DNM2: variants seen among roughly 807,000 people sequenced by gnomAD.
The protein encoded by DNM2 is dynamin-2.
Under a neutral mutation model 99.0 loss-of-function variants are expected in DNM2, and 15 were observed. The observed-to-expected ratio is 0.15, with a 90% CI of 0.10 to 0.23. The LOEUF is 0.23. DNM2 is among the 10% of genes least tolerant of loss of function. DNM2 has a pLI of 1.00. For synonymous variants in DNM2, 525 were observed against 481.2 expected (o/e 1.09, Z -1.19); for missense variants, 742 against 1,189.4 (o/e 0.62, Z 5.53).
intron 6 of DNM2, 106 bp from the exon 7 acceptor site, chr19:10,786,458 G>A (rs905042811): frequency 3.1e-5 from 48 of 1,555,174 alleles, no homozygotes; most frequent in East Asian, 2.9e-4. Flanking sequence ...TGTGGTGGCC[G>A]CATAGTGGCA....
At chr19:10,825,685 A>C (rs1419705693) in intron 18 of DNM2, among the ~76,000 whole-genome samples, 1 of 150,824 alleles carries the variant, frequency 6.6e-6, no homozygotes, top group Non-Finnish European at 1.5e-5. Flanking sequence ...AGAGAGAGAG[A>C]GAGAGAGAAA....
intron 17 of DNM2, chr19:10,824,569 G>GC: frequency 5.3e-5 from 11 of 205,706 alleles, no homozygotes; most frequent in South Asian, 2.4e-4. Context: ...ACTTTGGGAG[G>GC]CAATGTGGGC....
chr19:10,825,684 G>A (rs1166121175), intron 18 of DNM2, among the ~76,000 whole-genome samples: 1 of 147,436 alleles, frequency 6.8e-6, no homozygotes, highest in Non-Finnish European at 1.5e-5. Flanking sequence ...AAGAGAGAGA[G>A]AGAGAGAGAA....
At chr19:10,806,783 ACT>A (rs1250113517) in intron 13 of DNM2, among the ~76,000 whole-genome samples, 1 of 152,056 alleles carries the variant, frequency 6.6e-6, no homozygotes, top group African/African-American at 2.4e-5. Flanking sequence ...ACAGGGCCAG[ACT>A]CTGTCTCCAA....
intron 18 of DNM2, among the ~76,000 whole-genome samples, chr19:10,826,385 G>A (rs145566934): frequency 2.2e-4 from 33 of 152,314 alleles, no homozygotes; most frequent in Admixed American, 1.8e-3. Flanking sequence ...TTGGGCAGCC[G>A]CTGTGTCCTA....
rs138666000 is a variant in DNM2 at position 10,813,519 on chromosome 19, T to G, written c.1671+1142T>G. 1.8e-3 allele frequency among the ~76,000 whole-genome samples: 271 copies of G among 152,290 alleles called. 2 individuals are homozygous for G. The highest frequency in any genetic ancestry group is 6.2e-3 in the African/African-American group (257 of 41,558). On this transcript the variant is annotated intron_variant, in intron 15 of 20. Transcript: ENST00000389253. Reference sequence around the variant, plus strand: ...GTTCAGAACAGTTCAGGTCCTCTCTTCTGACTACTTTGAAATACACAAGGC... The same window carrying G: ...GTTCAGAACAGTTCAGGTCCTCTCTGCTGACTACTTTGAAATACACAAGGC...
chr19:10,757,182 C>T (rs954785380), intron 1 of DNM2, among the ~76,000 whole-genome samples: 5 of 152,106 alleles, frequency 3.3e-5, no homozygotes, highest in African/African-American at 4.8e-5. Context: ...GGGGGGTCTT[C>T]GTAGCCCTGT....
intron 1 of DNM2, among the ~76,000 whole-genome samples, chr19:10,719,546 G>A (rs889930122): frequency 2.6e-5 from 4 of 152,074 alleles, no homozygotes; most frequent in Admixed American, 6.6e-5. Context: ...CCAGGATTCA[G>A]GAAGCAAATG....
chr19:10,819,736 G>T (rs2072908529), intron 15 of DNM2, among the ~76,000 whole-genome samples: 1 of 152,310 alleles, frequency 6.6e-6, no homozygotes, highest in Non-Finnish European at 1.5e-5. Flanking sequence ...TCAGGCAGTA[G>T]CCCGGTCGTC....
intron 12 of DNM2, among the ~76,000 whole-genome samples, chr19:10,804,881 A>G (rs1202097419): frequency 6.6e-6 from 1 of 152,236 alleles, no homozygotes; most frequent in Non-Finnish European, 1.5e-5. Context: ...CGAGGTAGTC[A>G]GCAAAGGAAG....
chr19:10,762,987 T>C, intron 2 of DNM2: 1 of 152,484 alleles, frequency 6.6e-6, no homozygotes, highest in East Asian at 1.9e-4. Flanking sequence ...GTGTCCCACA[T>C]GGGTGGGGCC....
rs368925069 is a variant in DNM2, at chr19:10,820,921, G to A, written c.1781+832G>A. Reference sequence around the variant, plus strand: ...AGCTGGAGACTTTAGCAGAGACACTGCTCTCAGGAAGAAACCCAGCTGGCA... The same window carrying A: ...AGCTGGAGACTTTAGCAGAGACACTACTCTCAGGAAGAAACCCAGCTGGCA... On this transcript the variant is annotated intron_variant, in intron 16 of 20. Coordinates refer to ENST00000389253, the MANE Select transcript of DNM2 (RefSeq NM_001005361.3). The surrounding 1 kb of genome is among the most constrained non-coding windows in gnomAD (Gnocchi z 4.3). Among the ~76,000 whole-genome samples, 1 of 152,312 alleles carries A rather than the reference G, an allele frequency of 6.6e-6. No individual in the cohort carries two copies. Among genetic ancestry groups the A allele is most frequent in the East Asian group, 1.9e-4 (1 of 5,186 alleles).
Position 10,830,591 on chromosome 19 carries a change from C to A in DNM2, c.2543+213C>A. The stretch of plus-strand genomic sequence containing the variant: ...TAGCGGAGCCCTGGTGACTCCGGGG[C>A]TCCCAGCTTGCCCTCTGCCTACTGG... On this transcript the variant is annotated intron_variant, in intron 20 of 20. Coordinates refer to ENST00000389253, the MANE Select transcript of DNM2 (RefSeq NM_001005361.3). The surrounding 1 kb of genome is among the most constrained non-coding windows in gnomAD (Gnocchi z 4.8). The A allele has an allele frequency of 1.5e-6, 1 of 654,416 alleles. No individual in the cohort carries two copies. The highest frequency in any genetic ancestry group is 2.6e-6 in the Non-Finnish European group (1 of 388,462). 40.5% of individuals were successfully genotyped at this position (654,416 alleles called of 1,614,324 possible). A position where few individuals can be genotyped will look rare whatever the true frequency, so the allele number is the denominator to read the frequency against.
At chr19:10,729,619 C>T (rs1275108136) in intron 1 of DNM2, among the ~76,000 whole-genome samples, 6 of 152,128 alleles carry the variant, frequency 3.9e-5, no homozygotes, top group South Asian at 2.1e-4. Context: ...AGAGTTAGGA[C>T]GCTGCCCGTG....
chr19:10,719,194 C>T (rs1262916465), intron 1 of DNM2, among the ~76,000 whole-genome samples: 1 of 151,978 alleles, frequency 6.6e-6, no homozygotes, highest in Non-Finnish European at 1.5e-5. Flanking sequence ...CCCATGACTA[C>T]CCCTGAGTGT....
At chr19:10,784,546 C>T (rs1599548850) in intron 6 of DNM2, among the ~76,000 whole-genome samples, 1 of 152,168 alleles carries the variant, frequency 6.6e-6, no homozygotes, top group East Asian at 1.9e-4. Context: ...ACGTGGGGTG[C>T]TTCCCAGAGC....
intron 3 of DNM2, among the ~76,000 whole-genome samples, chr19:10,773,827 G>C (rs1380498729): frequency 6.6e-6 from 1 of 151,786 alleles, no homozygotes; most frequent in Non-Finnish European, 1.5e-5. Flanking sequence ...TGGCCAGGCT[G>C]GTCTCGAACT....
chr19:10,829,229 C>T lies in DNM2; in HGVS notation c.2252C>T (p.Pro751Leu). 6.2e-7 allele frequency: 1 copy of T among 1,613,980 alleles called. No individual in the cohort carries two copies. The highest frequency in any genetic ancestry group is 1.7e-4 in the Middle Eastern group (1 of 6,060). The change falls in exon 19 of 21, where the codon CCT (proline) becomes CTT (leucine). Residue 751 changes from proline (P) to leucine (L), a missense_variant. This residue lies in a region of DNM2 where 187 missense variants were observed against 218.8 expected (regional missense o/e 0.85). Transcript: ENST00000389253. The part of the protein sequence containing the change: ...TSTVSTPVPP[P>L]VDDTWLQSAS... ...ACTGTGTCCACGCCTGTACCCCCGC[C>T]TGTCGATGACACCTGGCTCCAGAGC...
intron 1 of DNM2, among the ~76,000 whole-genome samples, chr19:10,738,100 A>G (rs972727034): frequency 6.6e-6 from 1 of 152,072 alleles, no homozygotes; most frequent in Admixed American, 6.6e-5. Flanking sequence ...GTCTCACAAC[A>G]GAAGGAAGTA....
Sources: allele counts gnomAD v4.1 joint callset (sites outside exome capture counted in the v4.1 genomes callset), GRCh38; gene constraint gnomAD v4.1.1; regional missense constraint gnomAD v4.1.1; non-coding constraint Gnocchi (gnomAD v3.1); transcripts MANE v1.5; gene names NCBI Gene and HGNC (gene_info 2026-07-23, HGNC 2026-07-21).